Variants in IQCH observed in about 807,000 individuals in gnomAD.
The protein encoded by IQCH is IQ domain-containing protein H.
In IQCH, 98 loss-of-function variants were observed where a neutral mutation model predicts 117.0. The observed-to-expected ratio is 0.84, with a 90% CI of 0.71 to 0.99. The LOEUF is 0.99. IQCH is among the 50% of genes least tolerant of loss of function. The pLI is 0.00. For synonymous variants in IQCH, 412 were observed against 448.2 expected (o/e 0.92, Z 1.02); for missense variants, 1,102 against 1,243.8 (o/e 0.89, Z 1.72).
chr15:67,402,097 G>A (rs1196765413), intron 14 of IQCH, among the ~76,000 whole-genome samples: 3 of 152,084 alleles, frequency 2.0e-5, no homozygotes, highest in Non-Finnish European at 4.4e-5. Flanking sequence ...GTATTTAGAA[G>A]CCTCATTGTG....
Position 67,393,435 on chromosome 15 carries a change from G to C in IQCH, c.1633-1856G>C, listed in dbSNP as rs1054441277. Among the ~76,000 whole-genome samples, 2 of 152,192 alleles carry C rather than the reference G, an allele frequency of 1.3e-5. No homozygotes were observed. The highest frequency in any genetic ancestry group is 4.8e-5 in the African/African-American group (2 of 41,452). ...TTTCACTAGAATTGGGGTAGTAGAT[G>C]CTAGTCTATAAAAATCCTTTCAACT... is the stretch of plus-strand genomic sequence containing the variant. On this transcript the variant is annotated intron_variant, in intron 12 of 20. Transcript: ENST00000335894. This position sits in a 1 kb window ranked among gnomAD's most constrained non-coding sequence, Gnocchi z 5.5.
intron 10 of IQCH, among the ~76,000 whole-genome samples, chr15:67,380,164 A>G (rs11857142): frequency 0.44 from 67,583 of 152,062 alleles, 15,535 homozygotes; most frequent in Non-Finnish European, 0.52. Flanking sequence ...GTAGTTCTTT[A>G]TAGCAGTGTG....
rs976326110 is a variant in IQCH at position 67,388,763 on chromosome 15, C to T, written c.1457-68C>T. On this transcript the variant is annotated intron_variant, in intron 11 of 20. Coordinates refer to ENST00000335894, the MANE Select transcript of IQCH (RefSeq NM_001031715.3). The surrounding 1 kb of genome is among the most constrained non-coding windows in gnomAD (Gnocchi z 5.5). ...TTATTTTAAACTGCACAACACCAAT[C>T]GGATGCCAGAGTTCATAATGTCATT... The T allele has an allele frequency of 5.5e-5, 73 of 1,323,856 alleles. No homozygotes were observed. Among genetic ancestry groups the T allele is most frequent in the East Asian group, 1.9e-4 (8 of 43,210 alleles). 82.0% of individuals were successfully genotyped at this position (1,323,856 alleles called of 1,614,324 possible).
chr15:67,478,570 A>C (rs2083263952), intron 18 of IQCH, among the ~76,000 whole-genome samples: 1 of 152,122 alleles, frequency 6.6e-6, no homozygotes, highest in Non-Finnish European at 1.5e-5. Flanking sequence ...GAGAAGAGAG[A>C]GGAGAAAATC....
intron 8 of IQCH, among the ~76,000 whole-genome samples, chr15:67,371,025 A>C (rs1356619692): frequency 6.6e-6 from 1 of 152,134 alleles, no homozygotes; most frequent in Admixed American, 6.5e-5. Flanking sequence ...TAATAACCCC[A>C]CAGTTTGGTA....
At chr15:67,394,504 T>C (rs997142447) in intron 12 of IQCH, among the ~76,000 whole-genome samples, 2 of 152,188 alleles carry the variant, frequency 1.3e-5, no homozygotes, top group African/African-American at 4.8e-5. Context: ...TTAACTGTTA[T>C]TTGTGTCCCC....
rs117400732 is a variant in IQCH, at chr15:67,381,201, A to G, written c.1373-3735A>G. ...GTTTGCTGGATGCAAAGAGGCAATT[A>G]GTGTCATCTGATAGATGTTTATGCA... On this transcript the variant is annotated intron_variant, in intron 10 of 20. Transcript: ENST00000335894. This position sits in a 1 kb window ranked among gnomAD's most constrained non-coding sequence, Gnocchi z 5.1. Among the ~76,000 whole-genome samples the G allele has an allele frequency of 8.0e-3, 1,225 of 152,314 alleles. 9 individuals are homozygous for G. Among genetic ancestry groups the G allele is most frequent in the Non-Finnish European group, 0.011 (729 of 68,010 alleles).
chr15:67,452,192 T>C (rs933330735), intron 16 of IQCH, among the ~76,000 whole-genome samples: 1 of 152,234 alleles, frequency 6.6e-6, no homozygotes, highest in African/African-American at 2.4e-5. Context: ...TGCCAGTCTG[T>C]GTCTTTTAAT....
chr15:67,317,678 T>G lies in IQCH; in HGVS notation c.388-19297T>G, dbSNP rs535438632. Among the ~76,000 whole-genome samples the G allele has an allele frequency of 5.3e-5, 8 of 152,296 alleles. No individual in the cohort carries two copies. The South Asian group carries it at 1.7e-3, about 32-fold the overall frequency. On this transcript the variant is annotated intron_variant, in intron 4 of 20. Coordinates refer to ENST00000335894, the MANE Select transcript of IQCH (RefSeq NM_001031715.3). ...ATCTCCTGGAAGGCAAGAGCCATAT[T>G]TTTTTCACTTAAATATCTTCTAGGG... is the stretch of plus-strand genomic sequence containing the variant.
At chr15:67,297,555 T>C (rs1261189140) in intron 4 of IQCH, among the ~76,000 whole-genome samples, 2 of 152,124 alleles carry the variant, frequency 1.3e-5, no homozygotes, top group African/African-American at 4.8e-5. Flanking sequence ...CCATAGTCTT[T>C]CTCTTGCAAA....
intron 8 of IQCH, among the ~76,000 whole-genome samples, chr15:67,361,272 A>C (rs922661587): frequency 6.6e-6 from 1 of 152,204 alleles, no homozygotes; most frequent in Non-Finnish European, 1.5e-5. Context: ...TGCGACTGCT[A>C]CTTGCAGCTA....
chr15:67,426,992 A>G lies in IQCH; in HGVS notation c.2505+5415A>G, dbSNP rs1157420956. ...CAGAGACCCAGTATCCAAAAAAAAA[A>G]AAGAAGAAGAAAATCCCAGAAACAG... is the stretch of plus-strand genomic sequence containing the variant. On this transcript the variant is annotated intron_variant, in intron 16 of 20. Transcript: ENST00000335894. The surrounding 1 kb of genome is among the most constrained non-coding windows in gnomAD (Gnocchi z 5.1). Among the ~76,000 whole-genome samples, 1 of 152,068 alleles carries G rather than the reference A, an allele frequency of 6.6e-6. No individual in the cohort carries two copies. The highest frequency in any genetic ancestry group is 1.5e-5 in the Non-Finnish European group (1 of 68,016).
At chr15:67,325,207 T>TA (rs1968351122) in intron 4 of IQCH, among the ~76,000 whole-genome samples, 1 of 152,188 alleles carries the variant, frequency 6.6e-6, no homozygotes, top group South Asian at 2.1e-4. Flanking sequence ...CCTATTTGAT[T>TA]AATTTTTTAT....
chr15:67,320,500 T>C (rs947059035), intron 4 of IQCH, among the ~76,000 whole-genome samples: 6 of 151,232 alleles, frequency 4.0e-5, no homozygotes, highest in African/African-American at 1.2e-4. Flanking sequence ...GTAATTACTT[T>C]TCCAGATTAA....
At chr15:67,317,829 T>C (rs1967922441) in intron 4 of IQCH, among the ~76,000 whole-genome samples, 1 of 152,162 alleles carries the variant, frequency 6.6e-6, no homozygotes, top group East Asian at 1.9e-4. Flanking sequence ...GTCTGTCTAG[T>C]TTCATGGGCA....
At chr15:67,256,300 A>G (rs1965196372) in intron 1 of IQCH, among the ~76,000 whole-genome samples, 1 of 152,172 alleles carries the variant, frequency 6.6e-6, no homozygotes, top group African/African-American at 2.4e-5. Context: ...ATGTGACAAT[A>G]TGCATAGAAT....
At chr15:67,287,251 C>T (rs1966598247) in intron 4 of IQCH, among the ~76,000 whole-genome samples, 1 of 152,110 alleles carries the variant, frequency 6.6e-6, no homozygotes, top group Non-Finnish European at 1.5e-5. Context: ...TGTGTTTGGT[C>T]TGGCTTTGGT....
Position 67,458,106 on chromosome 15 carries a change from C to G in IQCH, c.2506-7021C>G, listed in dbSNP as rs137977939. On this transcript the variant is annotated intron_variant, in intron 16 of 20. Coordinates refer to ENST00000335894, the MANE Select transcript of IQCH (RefSeq NM_001031715.3). The surrounding 1 kb of genome is among the most constrained non-coding windows in gnomAD (Gnocchi z 4.1). ...ATCCCTAGAGCCTAGCCATGCACAT[C>G]CTCCTGATTTTACAGCTGCAAAAGG... Among the ~76,000 whole-genome samples the G allele has an allele frequency of 2.0e-3, 302 of 152,318 alleles. 2 individuals carry two copies. Among genetic ancestry groups the G allele is most frequent in the African/African-American group, 6.8e-3 (281 of 41,570 alleles).
intron 10 of IQCH, chr15:67,374,090 A>G (rs1970657061): frequency 6.6e-6 from 1 of 152,306 alleles, no homozygotes; most frequent in Admixed American, 6.5e-5. Context: ...CACACTGGTA[A>G]AAAAGGTATG....
Sources: gnomAD v4.1 joint callset for allele counts (sites outside exome capture counted in the v4.1 genomes callset) on GRCh38, gnomAD v4.1.1 for gene constraint, Gnocchi (gnomAD v3.1) non-coding constraint, MANE v1.5 for transcripts, NCBI Gene and HGNC (gene_info 2026-07-23, HGNC 2026-07-21) for gene names.